The following MAP7D2 variants were observed in gnomAD, a reference collection of about 807,000 sequenced individuals.
MAP7D2 encodes MAP7 domain-containing protein 2.
In MAP7D2, 33 loss-of-function variants were observed where a neutral mutation model predicts 63.5. The observed-to-expected ratio is 0.52, with a 90% CI of 0.39 to 0.70. The LOEUF (loss-of-function observed/expected upper bound fraction) is 0.70. Ranked by LOEUF, MAP7D2 falls within the 30% of genes least tolerant of loss-of-function variation. The pLI is 0.00. For missense variants in MAP7D2, 626 were observed against 604.0 expected (o/e 1.04, Z -0.38); for synonymous variants, 224 against 223.7 (o/e 1.00, Z -0.01).
chrX:20,110,090 G>A (rs1169080222), intron 1 of MAP7D2, among the ~76,000 whole-genome samples: 4 of 107,160 alleles, frequency 3.7e-5, no homozygotes, highest in African/African-American at 1.0e-4. Context: ...TGGTTGCACA[G>A]ACTTTTTTTT....
chrX:20,098,967 C>T (rs1362012661), intron 1 of MAP7D2, among the ~76,000 whole-genome samples: 1 of 112,769 alleles, frequency 8.9e-6, no homozygotes, highest in Non-Finnish European at 1.9e-5. Flanking sequence ...ACTCAAGGTC[C>T]AGGTGTGACC....
chrX:20,019,609 T>C (rs2073560838), intron 10 of MAP7D2, among the ~76,000 whole-genome samples: 1 of 112,049 alleles, frequency 8.9e-6, no homozygotes, highest in South Asian at 3.7e-4. Flanking sequence ...AATTGTTCAA[T>C]CTGAGGGACG....
chrX:20,044,577 G>A, intron 6 of MAP7D2, 53 bp from the exon 7 acceptor site: 2 of 1,075,479 alleles, frequency 1.9e-6, no homozygotes, highest in Middle Eastern at 2.5e-4. Flanking sequence ...GATGGAAAAA[G>A]TAGAGCAGAG....
Position 20,025,749 on chromosome X carries a change from T to C in MAP7D2, c.1211A>G (p.His404Arg), listed in dbSNP as rs149328130. 8.3e-7 allele frequency: 1 copy of C among 1,211,798 alleles called. No individual in the cohort carries two copies. Among genetic ancestry groups the C allele is most frequent in the Non-Finnish European group, 1.1e-6 (1 of 895,483 alleles). The change falls in exon 9 of 17, where the codon CAT becomes CGT. Residue 404 changes from histidine (H) to arginine (R), a missense_variant. Coordinates refer to ENST00000379643, the MANE Select transcript of MAP7D2 (RefSeq NM_001168465.2). The part of the protein sequence containing the change: ...GPQGEEALEK[H>R]VVDKHASEKH... ...CTCGCTGGCATGCTTGTCCACTACA[T>C]GCTTCTCTAGGGCTTCCTCTCCTTG...
chrX:20,112,108 G>A (rs138793349), intron 1 of MAP7D2, among the ~76,000 whole-genome samples: 81 of 111,998 alleles, frequency 7.2e-4, no homozygotes, highest in African/African-American at 2.6e-3. Context: ...AGGGTGGGAC[G>A]GATGAAGCGG....
rs2073054900 is a variant in MAP7D2, at chrX:20,007,836, T to C, written c.*589A>G. 1 of 112,069 alleles carries C rather than the reference T, an allele frequency of 8.9e-6. No homozygotes were observed. Among genetic ancestry groups the C allele is most frequent in the African/African-American group, 3.2e-5 (1 of 30,847 alleles). The allele number at this position is 112,069 out of a possible 1,213,427, so 9.2% of individuals were successfully genotyped here. A position where few individuals can be genotyped will look rare whatever the true frequency, so the allele number is the denominator to read the frequency against. On this transcript the variant is annotated 3_prime_UTR_variant, in exon 17 of 17. Coordinates refer to ENST00000379643, the MANE Select transcript of MAP7D2 (RefSeq NM_001168465.2). ...CTACTTTAACCCCAGAAGAATAATG[T>C]GGGGCAATGCATTTCTGCAGGTGGC...
chrX:20,016,022 A>C, intron 11 of MAP7D2, 72 bp downstream of exon 11: 2 of 881,576 alleles, frequency 2.3e-6, no homozygotes, highest in East Asian at 3.1e-5. Flanking sequence ...AGTCATTGAA[A>C]TTTAACTAAT....
intron 1 of MAP7D2, among the ~76,000 whole-genome samples, chrX:20,073,768 C>T (rs1224964950): frequency 2.9e-5 from 3 of 105,237 alleles, no homozygotes; most frequent in East Asian, 3.1e-4. Context: ...CCTCGTGATC[C>T]GCCTGCCTCA....
At chrX:20,013,267 G>T in intron 13 of MAP7D2, 135 bp from the exon 14 acceptor site, 1 of 505,496 alleles carries the variant, frequency 2.0e-6, no homozygotes, top group Non-Finnish European at 3.4e-6. Context: ...TAAATCTTCA[G>T]CTGTGTTTCC....
chrX:20,010,914 C>T lies in MAP7D2; in HGVS notation c.2211G>A (p.Pro737=), dbSNP rs1322127804. Residue 737 remains proline, a synonymous_variant, in exon 16 of 17, where the codon CCG becomes CCA. Transcript: ENST00000379643. ...TTTCACTGGATCTCTTGGGGAATGT[C>T]GGGGGACCAGTGAAATCTAAGAGAT... ...LQDLLDFTGP[P]TFPKRSSENL... 1.2e-5 allele frequency: 15 copies of T among 1,209,126 alleles called. No homozygotes were observed. Among genetic ancestry groups the T allele is most frequent in the East Asian group, 3.0e-5 (1 of 33,762 alleles).
At chrX:20,070,717 A>G (rs2065481577) in intron 1 of MAP7D2, among the ~76,000 whole-genome samples, 1 of 111,965 alleles carries the variant, frequency 8.9e-6, no homozygotes, top group African/African-American at 3.2e-5. Context: ...TTGGAATAAA[A>G]CAGGGATACT....
chrX:20,052,682 C>T (rs1471478355), intron 5 of MAP7D2, among the ~76,000 whole-genome samples, 196 bp downstream of exon 5: 1 of 112,312 alleles, frequency 8.9e-6, no homozygotes, highest in Non-Finnish European at 1.9e-5. Context: ...TCAACAACGA[C>T]CTGGCTCTAA....
chrX:20,035,540 C>T (rs1474828914), intron 8 of MAP7D2, among the ~76,000 whole-genome samples: 1 of 111,372 alleles, frequency 9.0e-6, no homozygotes, highest in Admixed American at 9.6e-5. Flanking sequence ...GAATTTTAAC[C>T]AAGTCCCTTT....
intron 1 of MAP7D2, among the ~76,000 whole-genome samples, chrX:20,094,506 ATATATATAT>A (rs2066166827): frequency 5.4e-5 from 1 of 18,504 alleles, no homozygotes; most frequent in African/African-American, 2.9e-4. Flanking sequence ...ATATATATAT[ATATATATAT>A]GTATATATAT....
intron 6 of MAP7D2, among the ~76,000 whole-genome samples, chrX:20,047,773 G>A (rs1283223181): frequency 2.4e-4 from 26 of 109,660 alleles, no homozygotes; most frequent in Non-Finnish European, 5.7e-5. Flanking sequence ...CCATGATCAT[G>A]CCACTGCACT....
chrX:20,025,878 C>T lies in MAP7D2; in HGVS notation c.1082G>A (p.Arg361His), dbSNP rs776036110. The T allele has an allele frequency of 1.2e-5, 15 of 1,209,525 alleles. No homozygotes were observed. Among genetic ancestry groups the T allele is most frequent in the East Asian group, 1.2e-4 (4 of 33,757 alleles). The change falls in exon 9 of 17, where the codon CGC becomes CAC. Residue 361 changes from arginine (R) to histidine (H), a missense_variant. Physicochemically the swap from Arg to His is conservative, Grantham distance 29. Coordinates refer to ENST00000379643, the MANE Select transcript of MAP7D2 (RefSeq NM_001168465.2). ...GTCTTGGCCAGAAAGGGCAGGTAAG[C>T]GGTACTTCACAGGAGACCCTGGGTA... ...PPYPGSPVKY[R>H]LPALSGQDMP...
At chrX:20,053,207 C>T (rs1309556281) in intron 4 of MAP7D2, among the ~76,000 whole-genome samples, 1 of 112,383 alleles carries the variant, frequency 8.9e-6, no homozygotes, top group African/African-American at 3.2e-5. Flanking sequence ...GCAACTTCTT[C>T]ACTGTGTTGT....
intron 8 of MAP7D2, among the ~76,000 whole-genome samples, chrX:20,029,447 G>C (rs1408060256): frequency 8.9e-6 from 1 of 112,388 alleles, no homozygotes; most frequent in African/African-American, 3.2e-5. Context: ...GAAAAGGCCA[G>C]GGTGGCCTAG....
chrX:20,024,672 C>G (rs1186021669), intron 10 of MAP7D2, among the ~76,000 whole-genome samples: 2 of 112,094 alleles, frequency 1.8e-5, no homozygotes, highest in Admixed American at 9.4e-5. Flanking sequence ...TGCCTGGCCC[C>G]AAAGTCCAAG....
Sources: allele counts gnomAD v4.1 joint callset (sites outside exome capture counted in the v4.1 genomes callset), GRCh38; gene constraint gnomAD v4.1.1; transcripts MANE v1.5; gene names NCBI Gene and HGNC (gene_info 2026-07-23, HGNC 2026-07-21).